The following NEDD4 variants were observed in gnomAD, a reference collection of about 807,000 sequenced individuals.
NEDD4 encodes the protein E3 ubiquitin-protein ligase NEDD4.
Under a neutral mutation model 144.9 loss-of-function variants are expected in NEDD4, and 99 were observed. The ratio of observed to expected loss-of-function variants is 0.68; its 90% CI spans 0.58 to 0.81. The LOEUF is 0.81. Ranked by LOEUF, NEDD4 falls within the 30% of genes least tolerant of loss-of-function variation. The pLI is 0.00. For missense variants in NEDD4, 985 were observed against 1,065.9 expected (o/e 0.92, Z 1.06); for synonymous variants, 318 against 350.6 (o/e 0.91, Z 1.04).
intron 5 of NEDD4, among the ~76,000 whole-genome samples, chr15:55,907,972 T>C (rs751430528): frequency 6.6e-5 from 10 of 152,152 alleles, no homozygotes; most frequent in African/African-American, 2.4e-4. Context: ...TAATATTCCA[T>C]TGGCATTCAC....
intron 8 of NEDD4, among the ~76,000 whole-genome samples, chr15:55,863,441 A>G (rs2034478781): frequency 6.6e-6 from 1 of 152,210 alleles, no homozygotes; most frequent in Non-Finnish European, 1.5e-5. Flanking sequence ...TAAAATTTTC[A>G]TAACAAAAAA....
At chr15:55,914,111 G>A (rs2036357396) in intron 5 of NEDD4, among the ~76,000 whole-genome samples, 1 of 151,242 alleles carries the variant, frequency 6.6e-6, no homozygotes, top group Non-Finnish European at 1.5e-5. Flanking sequence ...TCTGGGCATT[G>A]GTAACAATTA....
chr15:55,917,510 A>G (rs2036485723), intron 5 of NEDD4, among the ~76,000 whole-genome samples: 2 of 152,038 alleles, frequency 1.3e-5, no homozygotes, highest in Admixed American at 6.6e-5. Flanking sequence ...GTAAATTTGG[A>G]AATACCAAAA....
chr15:55,914,273 C>G (rs961735918), intron 5 of NEDD4, among the ~76,000 whole-genome samples: 1 of 151,354 alleles, frequency 6.6e-6, no homozygotes, highest in South Asian at 2.1e-4. Context: ...TTTTTCCCCC[C>G]AAAACTATGA....
chr15:55,832,477 C>G (rs748762298), intron 27 of NEDD4, among the ~76,000 whole-genome samples: 2 of 152,128 alleles, frequency 1.3e-5, no homozygotes, highest in Non-Finnish European at 2.9e-5. Context: ...TACAGTGGTG[C>G]GATCTTGGCT....
intron 1 of NEDD4, among the ~76,000 whole-genome samples, chr15:55,976,660 C>T (rs553090065): frequency 7.6e-5 from 11 of 144,408 alleles, no homozygotes; most frequent in Middle Eastern, 3.9e-3. Flanking sequence ...GACGGAGGCT[C>T]GCTCTGTGGC....
intron 5 of NEDD4, chr15:55,915,197 C>G: frequency 7.9e-7 from 1 of 1,264,092 alleles, no homozygotes; most frequent in Non-Finnish European, 1.1e-6. Flanking sequence ...ATATGTAAAA[C>G]TGCTTGGTTA....
chr15:55,925,495 C>T (rs1415186349), intron 4 of NEDD4, among the ~76,000 whole-genome samples: 1 of 152,116 alleles, frequency 6.6e-6, no homozygotes, highest in Non-Finnish European at 1.5e-5. Context: ...GTATACACTG[C>T]GTTTTCACTT....
intron 5 of NEDD4, among the ~76,000 whole-genome samples, chr15:55,919,897 T>A (rs116638471): frequency 2.0e-5 from 3 of 152,160 alleles, no homozygotes; most frequent in Admixed American, 1.3e-4. Flanking sequence ...TCAACTTCGA[T>A]AGGTTATGGT....
At chr15:55,974,891 C>CTTTTTTTTTTTTTTTTTTTTTTTTTTTTT (rs56285555) in intron 1 of NEDD4, among the ~76,000 whole-genome samples, 5 of 75,712 alleles carry the variant, frequency 6.6e-5, no homozygotes, top group African/African-American at 1.0e-4. Flanking sequence ...CTTTTCCTTT[C>CTTTTTTTTTTTTTTTTTTTTTTTTTTTTT]TTTTTTTTTT....
rs1467017148 is a variant in NEDD4, at chr15:55,874,017, G to C, written c.292-9C>G. The C allele has an allele frequency of 1.3e-6, 2 of 1,485,558 alleles. No homozygotes were observed. The highest frequency in any genetic ancestry group is 1.3e-5 in the South Asian group (1 of 78,900). 92.0% of individuals were successfully genotyped at this position (1,485,558 alleles called of 1,614,324 possible). On this transcript the variant is annotated splice_polypyrimidine_tract_variant and intron_variant, in intron 5 of 28. Transcript: ENST00000435532. ...AGGAAATCATCTCTTGTCTATAAGA[G>C]AAGGAAGAAAAAATATAATTAGTAA...
At chr15:55,939,351 C>T (rs2036953535) in intron 4 of NEDD4, among the ~76,000 whole-genome samples, 1 of 152,106 alleles carries the variant, frequency 6.6e-6, no homozygotes, top group South Asian at 2.1e-4. Context: ...TGTCTCCTAC[C>T]ATCTTGTGGA....
chr15:55,936,449 G>A (rs2036891639), intron 4 of NEDD4, among the ~76,000 whole-genome samples: 1 of 151,734 alleles, frequency 6.6e-6, no homozygotes, highest in South Asian at 2.1e-4. Flanking sequence ...GGAAATCCCA[G>A]AAAAGCATAT....
At chr15:55,910,516 C>A (rs1181664333) in intron 5 of NEDD4, among the ~76,000 whole-genome samples, 3 of 152,084 alleles carry the variant, frequency 2.0e-5, no homozygotes, top group African/African-American at 7.2e-5. Context: ...TACCGCCTCA[C>A]CAAAGTTGGT....
rs182103052 is a variant in NEDD4, at chr15:55,848,250, G to A, written c.1542+122C>T. On this transcript the variant is annotated intron_variant, in intron 17 of 28. Transcript: ENST00000435532. ...GACTTGGAGTATGGGAAATGGGGGA[G>A]AGGAGAGAACGGCCAATGTGCTTTC... The A allele has an allele frequency of 1.3e-3, 1,076 of 852,120 alleles. 12 individuals carry two copies. The African/African-American group carries it at 0.017, about 13-fold the overall frequency. The allele number at this position is 852,120 out of a possible 1,614,324, so 52.8% of individuals were successfully genotyped here.
intron 4 of NEDD4, among the ~76,000 whole-genome samples, chr15:55,932,290 A>T (rs2036796934): frequency 6.6e-6 from 1 of 152,218 alleles, no homozygotes; most frequent in South Asian, 2.1e-4. Context: ...TACAGTAACC[A>T]AAACAGCATG....
In NEDD4 at chr15:55,852,155, G is replaced by C. The variant is rs2034006856; in HGVS notation, c.1146+269C>G. Among the ~76,000 whole-genome samples, 4 of 151,928 alleles carry C rather than the reference G, an allele frequency of 2.6e-5. No homozygotes were observed. The South Asian group carries it at 8.3e-4, about 32-fold the overall frequency. On this transcript the variant is annotated intron_variant, in intron 13 of 28. Coordinates refer to ENST00000435532, the MANE Select transcript of NEDD4 (RefSeq NM_006154.4). Reference sequence around the variant, plus strand: ...TACTAAAAATACAAAAATTAGCCAGGTGTGGTGGCGGGCACCTGTAATCCC... The same window carrying C: ...TACTAAAAATACAAAAATTAGCCAGCTGTGGTGGCGGGCACCTGTAATCCC...
intron 2 of NEDD4, chr15:55,952,564 T>A (rs72734329): frequency 0.13 from 20,447 of 152,080 alleles, 1,506 homozygotes; most frequent in East Asian, 0.32. Context: ...CCAACTCCAT[T>A]TCCTCATACC....
chr15:55,991,645 A>T (rs2037990132), intron 1 of NEDD4, among the ~76,000 whole-genome samples: 1 of 152,202 alleles, frequency 6.6e-6, no homozygotes. Context: ...AGAGTCATGG[A>T]ACTGACAGCC....
Sources: gnomAD v4.1 joint callset for allele counts (sites outside exome capture counted in the v4.1 genomes callset) on GRCh38, gnomAD v4.1.1 for gene constraint, MANE v1.5 for transcripts, NCBI Gene and HGNC (gene_info 2026-07-23, HGNC 2026-07-21) for gene names.